IL4R: variants seen among roughly 807,000 people sequenced by gnomAD.
The protein encoded by IL4R is interleukin-4 receptor subunit alpha.
A neutral mutation model predicts 41.5 loss-of-function variants in IL4R; 17 were observed. That is an observed-to-expected ratio of 0.41 (90% CI 0.28 to 0.61). The LOEUF (loss-of-function observed/expected upper bound fraction) is 0.61. Among genes scored for constraint, IL4R ranks in the 20% least tolerant of loss-of-function variants. IL4R has a pLI of 0.31. For synonymous variants in IL4R, 402 were observed against 422.9 expected (o/e 0.95, Z 0.61); for missense variants, 974 against 1,043.1 (o/e 0.93, Z 0.91).
At chr16:27,344,315 CAAAAACA>C (rs549104117) in intron 4 of IL4R, among the ~76,000 whole-genome samples, 1,720 of 93,348 alleles carry the variant, frequency 0.018, 14 homozygotes, top group South Asian at 0.029. Flanking sequence ...GAAAAAAAAA[CAAAAACA>C]AAAAACAAAA....
At chr16:27,314,710 A>G (rs2141037549) in intron 1 of IL4R, among the ~76,000 whole-genome samples, 1 of 152,314 alleles carries the variant, frequency 6.6e-6, no homozygotes, top group South Asian at 2.1e-4. Context: ...CGCCAGAGCC[A>G]GCTGCTCTCC....
At chr16:27,352,387 G>C (rs1021547887) in intron 6 of IL4R, among the ~76,000 whole-genome samples, 153 bp from the exon 7 acceptor site, 9 of 152,222 alleles carry the variant, frequency 5.9e-5, no homozygotes, top group Non-Finnish European at 1.2e-4. Context: ...CAGTTACAGA[G>C]GTGGCAAGCA....
chr16:27,332,082 A>T lies in IL4R; in HGVS notation c.-19+1884A>T, dbSNP rs973274316. ...AGCCTTAACCTCCTGGGCTCAAGTG[A>T]TCCTCCTGCCTCAGCCTTCCCAGTA... is the stretch of plus-strand genomic sequence containing the variant. On this transcript the variant is annotated intron_variant, in intron 2 of 10. Coordinates refer to ENST00000395762, the MANE Select transcript of IL4R (RefSeq NM_000418.4). Among the ~76,000 whole-genome samples the T allele has an allele frequency of 2.0e-5, 3 of 151,998 alleles. No individual in the cohort carries two copies. The South Asian group carries it at 6.2e-4, about 31-fold the overall frequency.
intron 1 of IL4R, among the ~76,000 whole-genome samples, chr16:27,328,019 G>A (rs2085008808): frequency 6.6e-6 from 1 of 151,726 alleles, no homozygotes; most frequent in Non-Finnish European, 1.5e-5. Flanking sequence ...AGACCATCCT[G>A]GCCAACATGG....
At chr16:27,323,562 G>A (rs1035907620) in intron 1 of IL4R, among the ~76,000 whole-genome samples, 3 of 152,158 alleles carry the variant, frequency 2.0e-5, no homozygotes, top group African/African-American at 7.2e-5. Flanking sequence ...CTGGGCCTCG[G>A]CTTCTCCATC....
intron 8 of IL4R, among the ~76,000 whole-genome samples, chr16:27,357,858 C>CATGA: frequency 6.6e-6 from 1 of 151,788 alleles, no homozygotes; most frequent in East Asian, 1.9e-4. Context: ...CACTTATTAC[C>CATGA]ATGAATGAAT....
intron 1 of IL4R, among the ~76,000 whole-genome samples, chr16:27,319,866 C>T (rs768799701): frequency 6.6e-6 from 1 of 152,074 alleles, no homozygotes; most frequent in African/African-American, 2.4e-5. Context: ...ATCTGGGTTG[C>T]GTACTTTTTC....
chr16:27,324,414 C>A (rs1221736022), intron 1 of IL4R, among the ~76,000 whole-genome samples: 2 of 152,194 alleles, frequency 1.3e-5, no homozygotes, highest in African/African-American at 4.8e-5. Context: ...GGAATTCATC[C>A]TGTCGTTCTT....
chr16:27,325,685 A>T (rs2084937168), intron 1 of IL4R, among the ~76,000 whole-genome samples: 1 of 152,122 alleles, frequency 6.6e-6, no homozygotes, highest in South Asian at 2.1e-4. Context: ...GAAACACTGT[A>T]TACCTGTTAA....
At chr16:27,336,702 G>A (rs1341556548) in intron 2 of IL4R, among the ~76,000 whole-genome samples, 5 of 148,980 alleles carry the variant, frequency 3.4e-5, no homozygotes, top group African/African-American at 9.9e-5. Context: ...AAAAAGGAAA[G>A]GGAGGAAGGG....
At chr16:27,318,943 C>T (rs1285360573) in intron 1 of IL4R, among the ~76,000 whole-genome samples, 2 of 152,174 alleles carry the variant, frequency 1.3e-5, no homozygotes, top group Admixed American at 1.3e-4. Context: ...GTGCTTAACG[C>T]TTGCTTAGCC....
chr16:27,348,765 G>A (rs1433189477), intron 6 of IL4R, among the ~76,000 whole-genome samples: 1 of 152,216 alleles, frequency 6.6e-6, no homozygotes, highest in Non-Finnish European at 1.5e-5. Flanking sequence ...TCACATACCT[G>A]CCTCTAGGGC....
At chr16:27,348,974 T>C (rs1264432537) in intron 6 of IL4R, among the ~76,000 whole-genome samples, 1 of 152,164 alleles carries the variant, frequency 6.6e-6, no homozygotes, top group Non-Finnish European at 1.5e-5. Context: ...ATGTTGGTGC[T>C]CAGGGATGCC....
rs1362834154 is a variant in IL4R at position 27,363,681 on chromosome 16, C to T, written c.2329C>T (p.Pro777Ser). 3.7e-6 allele frequency: 6 copies of T among 1,613,784 alleles called. No individual in the cohort carries two copies. Among genetic ancestry groups the T allele is most frequent in the Non-Finnish European group, 4.2e-6 (5 of 1,180,014 alleles). Residue 777 changes from proline to serine, a missense_variant, in exon 11 of 11, where the codon CCG becomes TCG. Physicochemically the swap from Pro to Ser is moderately conservative, Grantham distance 74. This residue lies in a region of IL4R where 682 missense variants were observed against 704.3 expected (regional missense o/e 0.97). Transcript: ENST00000395762. ...GGVPLEASLCPASLAPSGISE... is the reference protein window; with the variant it reads ...GGVPLEASLCSASLAPSGISE... ...GGTTCCACTGGAGGCCAGTCTGTGT[C>T]CGGCCTCCCTGGCACCCTCGGGCAT... is the stretch of plus-strand genomic sequence containing the variant.
intron 1 of IL4R, among the ~76,000 whole-genome samples, chr16:27,323,656 CTTCT>C (rs1373383602): frequency 1.3e-5 from 2 of 151,560 alleles, no homozygotes; most frequent in African/African-American, 4.8e-5. Context: ...GGCTCAAGGG[CTTCT>C]TTTTTTTTTT....
In IL4R at chr16:27,362,455, C is replaced by G. The variant is rs375367781; in HGVS notation, c.1103C>G (p.Pro368Arg). The G allele has an allele frequency of 2.5e-6, 4 of 1,613,976 alleles. No individual in the cohort carries two copies. The highest frequency in any genetic ancestry group is 3.4e-6 in the Non-Finnish European group (4 of 1,180,008). Reference protein sequence around the residue: ...VVRCVELFEAPVECEEEEEVE... With the variant: ...VVRCVELFEARVECEEEEEVE... ...CGATGTGTGGAGTTGTTTGAGGCCC[C>G]GGTGGAGTGTGAGGAGGAGGAGGAG... The change falls in exon 11 of 11, where the codon CCG becomes CGG. Residue 368 changes from proline to arginine, a missense_variant. Pro to Arg is a moderately radical substitution (Grantham distance 103). Coordinates refer to ENST00000395762, the MANE Select transcript of IL4R (RefSeq NM_000418.4).
chr16:27,339,593 C>CA (rs1181243360), intron 2 of IL4R, among the ~76,000 whole-genome samples: 1 of 152,066 alleles, frequency 6.6e-6, no homozygotes, highest in Non-Finnish European at 1.5e-5. Context: ...AGGAAATAAT[C>CA]AGAGAAACAT....
In IL4R at chr16:27,342,163, A is replaced by G. The variant is rs1775077711; in HGVS notation, c.113A>G (p.Tyr38Cys). 1 of 1,614,258 alleles carries G rather than the reference A, an allele frequency of 6.2e-7. No homozygotes were observed. The highest frequency in any genetic ancestry group is 8.5e-7 in the Non-Finnish European group (1 of 1,180,038). The change falls in exon 4 of 11, where the codon TAC (tyrosine) becomes TGC (cysteine). Residue 38 changes from tyrosine (Y) to cysteine (C), a missense_variant. Transcript: ENST00000395762. ...VLQEPTCVSD[Y>C]MSISTCEWKM... Reference sequence around the variant, plus strand: ...CAGGAGCCCACCTGCGTCTCCGACTACATGAGCATCTCTACTTGCGAGTGG... The same window carrying G: ...CAGGAGCCCACCTGCGTCTCCGACTGCATGAGCATCTCTACTTGCGAGTGG...
At chr16:27,344,119 A>G (rs2085534851) in intron 4 of IL4R, among the ~76,000 whole-genome samples, 1 of 152,046 alleles carries the variant, frequency 6.6e-6, no homozygotes, top group Non-Finnish European at 1.5e-5. Flanking sequence ...GGCCTGGCCA[A>G]CATGGTGAAG....
Sources: allele counts gnomAD v4.1 joint callset (sites outside exome capture counted in the v4.1 genomes callset), GRCh38; gene constraint gnomAD v4.1.1; regional missense constraint gnomAD v4.1.1; transcripts MANE v1.5; gene names NCBI Gene and HGNC (gene_info 2026-07-23, HGNC 2026-07-21).